CLNK: variants seen among roughly 807,000 people sequenced by gnomAD.
The protein encoded by CLNK is cytokine-dependent hematopoietic cell linker.
CLNK carries 74 observed loss-of-function variants against 68.6 expected under a neutral mutation model. The ratio of observed to expected loss-of-function variants is 1.08; its 90% CI spans 0.89 to 1.31. The LOEUF (loss-of-function observed/expected upper bound fraction) is 1.31, where lower values mean the gene tolerates loss of function less well. Ranked by LOEUF, CLNK falls within the 50% of genes most tolerant of loss-of-function variation. The pLI, the probability that CLNK is intolerant of heterozygous loss-of-function variation, is 0.00. For missense variants in CLNK, 553 were observed against 515.3 expected, an observed-to-expected ratio of 1.07 and a Z score of -0.71; for synonymous variants, 198 against 172.2, an observed-to-expected ratio of 1.15 and a Z score of -1.17.
the CLNK span, among the ~76,000 whole-genome samples, chr4:10,724,390 C>T: frequency 6.6e-6 from 1 of 152,168 alleles, no homozygotes; most frequent in Admixed American, 6.5e-5. Flanking sequence ...GAATTTGAAT[C>T]CTTCTCATCC....
upstream of CLNK, among the ~76,000 whole-genome samples, chr4:10,688,964 A>G (rs1725363417): frequency 6.6e-6 from 1 of 152,048 alleles, no homozygotes; most frequent in Admixed American, 6.6e-5. Context: ...CGAGAAACAG[A>G]TTTCTTATGA....
chr4:10,598,332 T>C (rs1231554760), intron 2 of CLNK, among the ~76,000 whole-genome samples: 1 of 152,226 alleles, frequency 6.6e-6, no homozygotes, highest in Admixed American at 6.5e-5. Flanking sequence ...GGGCTGCCTC[T>C]CCCTCATCAA....
At chr4:10,717,901 G>T in the CLNK span, among the ~76,000 whole-genome samples, 86 of 152,272 alleles carry the variant, frequency 5.6e-4, no homozygotes, top group Non-Finnish European at 9.6e-4. Flanking sequence ...AGACTTATCT[G>T]ATGAAGATTT....
chr4:10,544,374 G>A (rs578248680), intron 8 of CLNK, among the ~76,000 whole-genome samples: 2 of 152,298 alleles, frequency 1.3e-5, no homozygotes, highest in East Asian at 1.9e-4. Flanking sequence ...ATTGATGTAG[G>A]TGTTGGGGGG....
At chr4:10,603,080 C>T (rs1480990471) in intron 2 of CLNK, among the ~76,000 whole-genome samples, 1 of 152,226 alleles carries the variant, frequency 6.6e-6, no homozygotes, top group African/African-American at 2.4e-5. Context: ...TGCAGTCTGA[C>T]TAGCACAGAA....
intron 2 of CLNK, among the ~76,000 whole-genome samples, chr4:10,627,123 G>C (rs543661346): frequency 1.8e-4 from 27 of 152,250 alleles, no homozygotes; most frequent in Admixed American, 7.9e-4. Flanking sequence ...GAAGCTGTTG[G>C]CAGGAAACTT....
At chr4:10,720,671 ATG>A in the CLNK span, among the ~76,000 whole-genome samples, 1 of 59,604 alleles carries the variant, frequency 1.7e-5, no homozygotes, top group Non-Finnish European at 4.5e-5. Context: ...CTGAACAAAA[ATG>A]CATACAAAAA....
At chr4:10,595,302 T>A (rs1721344671) in intron 3 of CLNK, among the ~76,000 whole-genome samples, 1 of 152,202 alleles carries the variant, frequency 6.6e-6, no homozygotes, top group Non-Finnish European at 1.5e-5. Context: ...AAGGTTCTGG[T>A]GCATATTGGG....
At chr4:10,614,872 C>G (rs1195332605) in intron 2 of CLNK, among the ~76,000 whole-genome samples, 1 of 152,172 alleles carries the variant, frequency 6.6e-6, no homozygotes, top group African/African-American at 2.4e-5. Context: ...TCTGGGTGCA[C>G]TAATAACAGA....
chr4:10,597,307 G>A (rs765272088), intron 3 of CLNK, among the ~76,000 whole-genome samples: 5 of 152,164 alleles, frequency 3.3e-5, no homozygotes, highest in Admixed American at 6.5e-5. Context: ...ACGGTTCTGC[G>A]CATGAGGATG....
chr4:10,624,738 T>C (rs1722601194), intron 2 of CLNK, among the ~76,000 whole-genome samples: 2 of 151,946 alleles, frequency 1.3e-5, no homozygotes, highest in South Asian at 4.2e-4. Flanking sequence ...CTGCTTCCCA[T>C]AGTATTTGGT....
chr4:10,575,631 G>A (rs1451077339), intron 4 of CLNK, among the ~76,000 whole-genome samples: 1 of 152,236 alleles, frequency 6.6e-6, no homozygotes. Flanking sequence ...GCATGGCGTG[G>A]ATCTCCCAGC....
intron 1 of CLNK, among the ~76,000 whole-genome samples, chr4:10,681,406 G>A (rs1725086770): frequency 6.6e-6 from 1 of 152,148 alleles, no homozygotes; most frequent in Admixed American, 6.6e-5. Context: ...CTATTAGTCA[G>A]CCCTTATCTT....
intron 14 of CLNK, among the ~76,000 whole-genome samples, chr4:10,523,543 A>C (rs1718169565): frequency 1.3e-5 from 2 of 152,224 alleles, no homozygotes; most frequent in African/African-American, 4.8e-5. Flanking sequence ...AGGAATTAGA[A>C]GAAGCAGCAG....
chr4:10,680,161 T>C (rs1577217278), intron 1 of CLNK, among the ~76,000 whole-genome samples: 1 of 152,170 alleles, frequency 6.6e-6, no homozygotes, highest in South Asian at 2.1e-4. Context: ...ATGTGGCAGA[T>C]ATACATCATG....
intron 17 of CLNK, among the ~76,000 whole-genome samples, chr4:10,507,632 T>C (rs961855545): frequency 5.2e-4 from 79 of 151,348 alleles, no homozygotes; most frequent in Non-Finnish European, 9.6e-4. Context: ...CCTGGCTAAT[T>C]TTATTTTTTA....
chr4:10,491,616 G>A (rs1716575677), intron 18 of CLNK, among the ~76,000 whole-genome samples: 1 of 147,850 alleles, frequency 6.8e-6, no homozygotes, highest in Admixed American at 6.9e-5. Flanking sequence ...TAGGGAAATG[G>A]GGAAGTGCTT....
At chr4:10,602,504 T>C (rs111690176) in intron 2 of CLNK, among the ~76,000 whole-genome samples, 6 of 152,256 alleles carry the variant, frequency 3.9e-5, no homozygotes, top group African/African-American at 1.4e-4. Flanking sequence ...TGGAGTGATG[T>C]TGTCACAAAT....
chr4:10,616,789 T>C (rs200409644), intron 2 of CLNK, among the ~76,000 whole-genome samples: 8 of 6,538 alleles, frequency 1.2e-3, no homozygotes, highest in African/African-American at 1.9e-3. Flanking sequence ...TGTGTGTGTG[T>C]GTATATATAT....
Sources: gnomAD v4.1 joint callset for allele counts (sites outside exome capture counted in the v4.1 genomes callset) on GRCh38, gnomAD v4.1.1 for gene constraint, MANE v1.5 for transcripts, NCBI Gene and HGNC (gene_info 2026-07-23, HGNC 2026-07-21) for gene names.